The following ZNF20 variants were observed in gnomAD, a reference collection of about 807,000 sequenced individuals.
ZNF20 encodes zinc finger protein KOX13.
In ZNF20, 9 loss-of-function variants were observed where a neutral mutation model predicts 11.0. The ratio of observed to expected loss-of-function variants is 0.82; its 90% confidence interval spans 0.49 to 1.43. The LOEUF is 1.43. ZNF20 is among the 40% of genes most tolerant of loss of function. ZNF20 has a pLI of 0.00. For synonymous variants in ZNF20, 182 were observed against 213.0 expected, an observed-to-expected ratio of 0.85 and a Z score of 1.27; for missense variants, 528 against 640.8, an observed-to-expected ratio of 0.82 and a Z score of 1.90.
At chr19:12,136,945 C>T (rs1304198837) in intron 1 of ZNF20, 3 of 401,960 alleles carry the variant, frequency 7.5e-6, no homozygotes, top group Non-Finnish European at 1.5e-5. Context: ...TTGCCTGTTA[C>T]CGTGACTTCT....
In ZNF20 at chr19:12,132,432, CCAAGTT is replaced by C. The variant is rs1314467959; in HGVS notation, c.*149_*154del. 8.0e-6 allele frequency: 6 copies of C among 754,470 alleles called. No homozygotes were observed. Among genetic ancestry groups the C allele is most frequent in the Admixed American group, 3.2e-5 (1 of 31,604 alleles). 46.7% of individuals were successfully genotyped at this position (754,470 alleles called of 1,614,324 possible). ...TAGGTGAATTGTATTACGAAACCAT[CCAAGTT>C]CTTCTAGATTTTATTGTCCTATCGC... On this transcript the variant is annotated 3_prime_UTR_variant, in exon 4 of 4. Transcript: ENST00000334213.
intron 3 of ZNF20, among the ~76,000 whole-genome samples, chr19:12,134,509 G>A (rs963658840): frequency 6.6e-6 from 1 of 152,026 alleles, no homozygotes; most frequent in African/African-American, 2.4e-5. Context: ...TAGGTGTGAC[G>A]GCGTGCGCTT....
chr19:12,132,917 A>G lies in ZNF20; in HGVS notation c.1269T>C (p.His423=), dbSNP rs1782169959. The G allele has an allele frequency of 2.5e-6, 4 of 1,614,148 alleles. No individual in the cohort carries two copies. The highest frequency in any genetic ancestry group is 3.4e-6 in the Non-Finnish European group (4 of 1,180,012). Residue 423 remains histidine (H), a synonymous_variant, in exon 4 of 4, where the codon CAT becomes CAC. Coordinates refer to ENST00000334213, the MANE Select transcript of ZNF20 (RefSeq NM_021143.4). Reference sequence around the variant, plus strand: ...ATGCTTTTCCACATTGCTTACATTCATGGGGCTTCTCTCCAGTGTGCGTCC... The same window carrying G: ...ATGCTTTTCCACATTGCTTACATTCGTGGGGCTTCTCTCCAGTGTGCGTCC... ...HERTHTGEKP[H]ECKQCGKAFR... is the part of the protein sequence containing the mutation.
chr19:12,138,515 G>C (rs989448528), intron 1 of ZNF20, among the ~76,000 whole-genome samples: 5 of 150,978 alleles, frequency 3.3e-5, no homozygotes, highest in Non-Finnish European at 5.9e-5. Flanking sequence ...ACGAAGATAA[G>C]AGGAGAGGAA....
rs1976627444 is a variant in ZNF20, at chr19:12,131,822, T to TA, written c.*764dup. ...AGTATTTGTTGCCAAGAAACCGCAT[T>TA]AGTGTTTTTAGTCAGGTATACTCAT... is the stretch of plus-strand genomic sequence containing the variant. On this transcript the variant is annotated 3_prime_UTR_variant, in exon 4 of 4. Coordinates refer to ENST00000334213, the MANE Select transcript of ZNF20 (RefSeq NM_021143.4). The TA allele has an allele frequency of 6.6e-6, 1 of 152,236 alleles. No homozygotes were observed. Among genetic ancestry groups the TA allele is most frequent in the East Asian group, 1.9e-4 (1 of 5,202 alleles). 9.4% of individuals were successfully genotyped at this position (152,236 alleles called of 1,614,324 possible).
intron 1 of ZNF20, among the ~76,000 whole-genome samples, chr19:12,138,819 C>CA (rs1005222817): frequency 3.0e-4 from 43 of 144,870 alleles, no homozygotes; most frequent in Middle Eastern, 3.6e-3. Flanking sequence ...AACTCCGTCT[C>CA]AAAAAAAAAA....
chr19:12,135,638 T>G, intron 2 of ZNF20, 78 bp from the exon 3 acceptor site: 1 of 1,588,772 alleles, frequency 6.3e-7, no homozygotes, highest in South Asian at 1.1e-5. Flanking sequence ...TCTGTATTCA[T>G]GGTACATGGT....
rs1171866656 is a variant in ZNF20 at position 12,131,552 on chromosome 19, T to C, written c.*1035A>G. 3 of 152,114 alleles carry C rather than the reference T, an allele frequency of 2.0e-5. No individual in the cohort carries two copies. Among genetic ancestry groups the C allele is most frequent in the Non-Finnish European group, 4.4e-5 (3 of 68,008 alleles). The allele number at this position is 152,114 out of a possible 1,614,324, so 9.4% of individuals were successfully genotyped here. A position where few individuals can be genotyped will look rare whatever the true frequency, so the allele number is the denominator to read the frequency against. On this transcript the variant is annotated 3_prime_UTR_variant, in exon 4 of 4. Transcript: ENST00000334213. ...ATTTAGAATAGATGAAAATTCATGA[T>C]CCAGATAAAAACTAAGAATATAAGC...
In ZNF20 at chr19:12,132,468, C is replaced by A. The variant is rs1003177900; in HGVS notation, c.*119G>T. On this transcript the variant is annotated 3_prime_UTR_variant, in exon 4 of 4. Coordinates refer to ENST00000334213, the MANE Select transcript of ZNF20 (RefSeq NM_021143.4). ...TAGATTTTATTGTCCTATCGCAAGT[C>A]TCTCTTCTCAATTCAAAAAGCAGTT... The A allele has an allele frequency of 5.8e-6, 6 of 1,026,740 alleles. No individual in the cohort carries two copies. Among genetic ancestry groups the A allele is most frequent in the Non-Finnish European group, 8.5e-6 (6 of 704,138 alleles). 63.6% of individuals were successfully genotyped at this position (1,026,740 alleles called of 1,614,324 possible).
chr19:12,133,971 T>C lies in ZNF20; in HGVS notation c.215A>G (p.Lys72Arg), dbSNP rs1323846401. Residue 72 changes from lysine (K) to arginine (R), a missense_variant, in exon 4 of 4, where the codon AAA becomes AGA. Lys to Arg is a conservative substitution (Grantham distance 26, BLOSUM62 2). Coordinates refer to ENST00000334213, the MANE Select transcript of ZNF20 (RefSeq NM_021143.4). Reference protein sequence around the residue: ...PRRNLSLMREKLCESKESHHC... With the variant: ...PRRNLSLMRERLCESKESHHC... ...ATGACTTTCTTTACTTTCACAGAGTTTCTCTCTCATAAGACTTCAGTGAAA... is the reference window on the plus strand; with the variant it reads ...ATGACTTTCTTTACTTTCACAGAGTCTCTCTCTCATAAGACTTCAGTGAAA... 6.2e-7 allele frequency: 1 copy of C among 1,607,174 alleles called. No homozygotes were observed. The highest frequency in any genetic ancestry group is 1.7e-4 in the Middle Eastern group (1 of 6,020).
At chr19:12,136,205 G>A (rs1035186027) in intron 1 of ZNF20, among the ~76,000 whole-genome samples, 1 of 149,302 alleles carries the variant, frequency 6.7e-6, no homozygotes, top group East Asian at 2.0e-4. Context: ...GGAGAAACCC[G>A]TCCCTACTAA....
intron 1 of ZNF20, 97 bp downstream of exon 1, chr19:12,140,083 G>A: frequency 6.8e-7 from 1 of 1,464,076 alleles, no homozygotes; most frequent in Admixed American, 2.0e-5. Flanking sequence ...CCAGATCCAG[G>A]AGGCGCGGCG....
chr19:12,136,911 T>C (rs1354552111), intron 1 of ZNF20: 1 of 429,300 alleles, frequency 2.3e-6, no homozygotes, highest in Non-Finnish European at 4.6e-6. Context: ...AAGCCCATCA[T>C]CTCCATATGA....
rs560640791 is a variant in ZNF20, at chr19:12,135,852, T to C, written c.56A>G (p.Glu19Gly). Residue 19 changes from glutamate (E) to glycine (G), a missense_variant, in exon 2 of 4, where the codon GAG becomes GGG. Physicochemically the swap from Glu to Gly is moderately conservative, Grantham distance 98. Transcript: ENST00000334213. ...GGAAGGATCCAGCAAAGCCCACTCC[T>C]CCTGGGTGAAGCTGACAGCCACATC... The part of the protein sequence containing the change: ...FEDVAVSFTQ[E>G]EWALLDPSQK... 1 of 1,614,122 alleles carries C rather than the reference T, an allele frequency of 6.2e-7. No homozygotes were observed. The highest frequency in any genetic ancestry group is 1.1e-5 in the South Asian group (1 of 91,074).
chr19:12,133,971 TTCTC>T lies in ZNF20; in HGVS notation c.211_214del (p.Glu71AsnfsTer23). The T allele has an allele frequency of 6.2e-7, 1 of 1,607,174 alleles. No homozygotes were observed. The highest frequency in any genetic ancestry group is 1.7e-5 in the Admixed American group (1 of 58,826). On this transcript the variant is annotated frameshift_variant, in exon 4 of 4. Transcript: ENST00000334213. LOFTEE classifies it low-confidence loss of function (END_TRUNC). The stretch of plus-strand genomic sequence containing the variant: ...ATGACTTTCTTTACTTTCACAGAGT[TTCTC>T]TCTCATAAGACTTCAGTGAAAAATG...
In ZNF20 at chr19:12,132,480, T is replaced by TG; in HGVS notation, c.*106_*107insC. On this transcript the variant is annotated 3_prime_UTR_variant, in exon 4 of 4. Transcript: ENST00000334213. ...TCCTATCGCAAGTCTCTCTTCTCAA[T>TG]TCAAAAAGCAGTTATCCAGAGGTTC... The TG allele has an allele frequency of 8.5e-7, 1 of 1,180,080 alleles. No individual in the cohort carries two copies. Among genetic ancestry groups the TG allele is most frequent in the Non-Finnish European group, 1.2e-6 (1 of 840,388 alleles). The allele number at this position is 1,180,080 out of a possible 1,614,324, so 73.1% of individuals were successfully genotyped here.
In ZNF20 at chr19:12,135,558, T is replaced by G. The variant is rs1312712037; in HGVS notation, c.142A>C (p.Lys48Gln). The change falls in exon 3 of 4, where the codon AAA (lysine) becomes CAA (glutamine). Residue 48 changes from lysine (K) to glutamine (Q), a missense_variant and splice_region_variant. Coordinates refer to ENST00000334213, the MANE Select transcript of ZNF20 (RefSeq NM_021143.4). The part of the protein sequence containing the change: ...ETFKNLTSVG[K>Q]TWKVQNIEDE... ...TCAATGTTCTGAACTTTCCATGTTT[T>G]TCCTAAAACACAGACCCGGAGAAAA... The G allele has an allele frequency of 6.2e-7, 1 of 1,612,800 alleles. No individual in the cohort carries two copies. Among genetic ancestry groups the G allele is most frequent in the Admixed American group, 1.7e-5 (1 of 59,680 alleles).
Position 12,132,430 on chromosome 19 carries a change from A to T in ZNF20, c.*157T>A, listed in dbSNP as rs147243762. 4 of 749,006 alleles carry T rather than the reference A, an allele frequency of 5.3e-6. No homozygotes were observed. Among genetic ancestry groups the T allele is most frequent in the Non-Finnish European group, 8.4e-6 (4 of 475,130 alleles). 46.4% of individuals were successfully genotyped at this position (749,006 alleles called of 1,614,324 possible). On this transcript the variant is annotated 3_prime_UTR_variant, in exon 4 of 4. Transcript: ENST00000334213. ...TATAGGTGAATTGTATTACGAAACC[A>T]TCCAAGTTCTTCTAGATTTTATTGT...
At position 12,133,923 on chromosome 19, in the gene ZNF20, T is replaced by C; in HGVS notation, c.263A>G (p.Gln88Arg). Residue 88 changes from glutamine (Q) to arginine (R), a missense_variant, in exon 4 of 4, where the codon CAG (glutamine) becomes CGG (arginine). Gln to Arg is a conservative substitution (Grantham distance 43, BLOSUM62 1). Transcript: ENST00000334213. ...CCTGTTCAGCATGTCATCTGCAATC[T>C]GGTTGAAGCTTTCTCCACAGTGATG... ...ESHHCGESFN[Q>R]IADDMLNRKT... is the part of the protein sequence containing the mutation. The C allele has an allele frequency of 6.2e-7, 1 of 1,613,948 alleles. No homozygotes were observed. Among genetic ancestry groups the C allele is most frequent in the Non-Finnish European group, 8.5e-7 (1 of 1,179,892 alleles).
Sources: allele counts gnomAD v4.1 joint callset (sites outside exome capture counted in the v4.1 genomes callset), GRCh38; gene constraint gnomAD v4.1.1; transcripts MANE v1.5; gene names NCBI Gene and HGNC (gene_info 2026-07-23, HGNC 2026-07-21).